Variants in COL21A1 observed in about 807,000 individuals in gnomAD.
COL21A1 encodes collagen type XXI alpha 1 chain.
In COL21A1, 149 loss-of-function variants were observed where a neutral mutation model predicts 137.9. That is an observed-to-expected ratio of 1.08 (90% CI 0.95 to 1.24). The LOEUF (loss-of-function observed/expected upper bound fraction) is 1.24, where lower values mean the gene tolerates loss of function less well. COL21A1 is among the 50% of genes most tolerant of loss of function. COL21A1 has a pLI of 0.00. For synonymous variants in COL21A1, 456 were observed against 391.5 expected (o/e 1.16, Z -1.95); for missense variants, 1,167 against 1,158.4 (o/e 1.01, Z -0.11).
At chr6:56,196,467 C>A (rs1016903515) in intron 1 of COL21A1, among the ~76,000 whole-genome samples, 6 of 151,902 alleles carry the variant, frequency 3.9e-5, no homozygotes, top group Non-Finnish European at 8.8e-5. Flanking sequence ...TACAGAAGAC[C>A]ATAAAGACTC....
intron 10 of COL21A1, among the ~76,000 whole-genome samples, chr6:56,155,487 C>T (rs943768640): frequency 2.0e-5 from 3 of 152,216 alleles, no homozygotes; most frequent in African/African-American, 7.2e-5. Context: ...TTTTGATTCA[C>T]AATGTAAACA....
At chr6:56,108,865 A>G (rs1771172052) in intron 16 of COL21A1, among the ~76,000 whole-genome samples, 1 of 151,904 alleles carries the variant, frequency 6.6e-6, no homozygotes, top group Non-Finnish European at 1.5e-5. Flanking sequence ...AAACTTATAA[A>G]GAAGAAATTA....
chr6:56,329,363 G>GGGA, intron 1 of COL21A1, among the ~76,000 whole-genome samples: 1 of 152,168 alleles, frequency 6.6e-6, no homozygotes, highest in East Asian at 1.9e-4. Context: ...ATGGCTGTGG[G>GGGA]GGAGGAAAGA....
intron 1 of COL21A1, among the ~76,000 whole-genome samples, chr6:56,341,912 A>G (rs1295726009): frequency 2.0e-5 from 3 of 152,180 alleles, no homozygotes; most frequent in Non-Finnish European, 4.4e-5. Context: ...ATGTTTTTAA[A>G]TCTAAAAATC....
chr6:56,273,259 G>C (rs1763568066), intron 1 of COL21A1, among the ~76,000 whole-genome samples: 1 of 152,154 alleles, frequency 6.6e-6, no homozygotes, highest in Non-Finnish European at 1.5e-5. Flanking sequence ...AAACTTCATA[G>C]TGCTAAACAC....
intron 1 of COL21A1, among the ~76,000 whole-genome samples, chr6:56,193,473 G>A (rs1301234829): frequency 1.3e-5 from 2 of 152,076 alleles, no homozygotes; most frequent in Non-Finnish European, 2.9e-5. Flanking sequence ...GTTGTATGAA[G>A]CCCCAAAACA....
chr6:56,261,288 A>G (rs1582740107), intron 1 of COL21A1, among the ~76,000 whole-genome samples: 1 of 151,968 alleles, frequency 6.6e-6, no homozygotes, highest in Admixed American at 6.6e-5. Flanking sequence ...CTCCTGGTCC[A>G]GAAGCTAACA....
intron 1 of COL21A1, among the ~76,000 whole-genome samples, chr6:56,280,792 T>A (rs941557284): frequency 1.3e-5 from 2 of 151,982 alleles, no homozygotes; most frequent in South Asian, 4.1e-4. Flanking sequence ...GTGGGTGGAT[T>A]ATTGAGCCAG....
intron 1 of COL21A1, among the ~76,000 whole-genome samples, chr6:56,391,033 C>T (rs2094028750): frequency 6.6e-6 from 1 of 152,146 alleles, no homozygotes; most frequent in African/African-American, 2.4e-5. Context: ...TTCTCCTCTG[C>T]TTATGGAACA....
intron 1 of COL21A1, among the ~76,000 whole-genome samples, chr6:56,321,783 T>G (rs1245767272): frequency 6.6e-6 from 1 of 152,056 alleles, no homozygotes; most frequent in East Asian, 1.9e-4. Flanking sequence ...ATCATCGAAG[T>G]TGAACCCCCT....
At chr6:56,382,068 A>G (rs2094009567) in intron 1 of COL21A1, among the ~76,000 whole-genome samples, 1 of 152,206 alleles carries the variant, frequency 6.6e-6, no homozygotes, top group Non-Finnish European at 1.5e-5. Flanking sequence ...CCTGTTTGAC[A>G]AGGGTTCGAT....
At chr6:56,164,942 A>T in intron 7 of COL21A1, 120 bp from the exon 8 acceptor site, 1 of 740,682 alleles carries the variant, frequency 1.4e-6, no homozygotes. Context: ...AAAACCAACA[A>T]AAACCAAAAT....
intron 12 of COL21A1, among the ~76,000 whole-genome samples, chr6:56,140,576 G>A (rs778845000): frequency 6.6e-6 from 1 of 152,118 alleles, no homozygotes; most frequent in East Asian, 1.9e-4. Flanking sequence ...CATCTCAGGG[G>A]TATGTTCTTT....
intron 12 of COL21A1, among the ~76,000 whole-genome samples, chr6:56,133,735 A>G (rs1425122854): frequency 6.6e-6 from 1 of 152,158 alleles, no homozygotes. Context: ...TTGGTACCCT[A>G]CGTTCTAGCC....
At position 56,067,001 on chromosome 6, in the gene COL21A1, G is replaced by A. The variant is rs572789550; in HGVS notation, c.2127+294C>T. Among the ~76,000 whole-genome samples, 5 of 95,286 alleles carry A rather than the reference G, an allele frequency of 5.2e-5. No homozygotes were observed. The East Asian group carries it at 2.5e-3, about 48-fold the overall frequency. 62.5% of individuals were successfully genotyped at this position (95,286 alleles called of 152,430 possible). On this transcript the variant is annotated intron_variant, in intron 23 of 29. Coordinates refer to ENST00000244728, the MANE Select transcript of COL21A1 (RefSeq NM_030820.4). The stretch of plus-strand genomic sequence containing the variant: ...TATGTGTGTGTGTGTGTGTGTATGT[G>A]GTATATATATATATGTATATATGTA...
chr6:56,330,769 G>A (rs972299452), intron 1 of COL21A1, among the ~76,000 whole-genome samples: 1 of 152,092 alleles, frequency 6.6e-6, no homozygotes, highest in East Asian at 1.9e-4. Flanking sequence ...ACATGTGAGT[G>A]CAGGTGACTT....
intron 1 of COL21A1, among the ~76,000 whole-genome samples, chr6:56,319,732 TA>T (rs927854890): frequency 1.2e-4 from 19 of 152,294 alleles, no homozygotes; most frequent in African/African-American, 4.3e-4. Context: ...CTACCAAATT[TA>T]AAAATCTCAG....
chr6:56,356,190 C>T (rs1765823557), intron 1 of COL21A1, among the ~76,000 whole-genome samples: 1 of 152,060 alleles, frequency 6.6e-6, no homozygotes, highest in African/African-American at 2.4e-5. Flanking sequence ...GCATAGGATG[C>T]CAGGCAGCTC....
chr6:56,374,565 C>T (rs909115204), intron 1 of COL21A1, among the ~76,000 whole-genome samples: 1 of 151,640 alleles, frequency 6.6e-6, no homozygotes, highest in Non-Finnish European at 1.5e-5. Context: ...TCTACTGAAA[C>T]TACAAAATTA....
Sources: gnomAD v4.1 joint callset for allele counts (sites outside exome capture counted in the v4.1 genomes callset) on GRCh38, gnomAD v4.1.1 for gene constraint, MANE v1.5 for transcripts, NCBI Gene and HGNC (gene_info 2026-07-23, HGNC 2026-07-21) for gene names.